The following LUZP2 variants were observed in gnomAD, a reference collection of about 807,000 sequenced individuals.
LUZP2 encodes the protein leucine zipper protein 2.
A neutral mutation model predicts 51.6 loss-of-function variants in LUZP2; 52 were observed. That is an observed-to-expected ratio of 1.01 (90% CI 0.81 to 1.27). The LOEUF (loss-of-function observed/expected upper bound fraction) is 1.27, where lower values mean the gene tolerates loss of function less well. LUZP2 is among the 50% of genes most tolerant of loss of function. The pLI is 0.00. For synonymous variants in LUZP2, 154 were observed against 137.3 expected, an observed-to-expected ratio of 1.12 and a Z score of -0.85; for missense variants, 436 against 395.4, an observed-to-expected ratio of 1.10 and a Z score of -0.87.
intron 5 of LUZP2, among the ~76,000 whole-genome samples, chr11:24,867,349 C>G (rs1310176068): frequency 6.6e-6 from 1 of 152,142 alleles, no homozygotes; most frequent in African/African-American, 2.4e-5. Context: ...GTTCCTTTCA[C>G]AGCATTTCAA....
chr11:24,992,975 T>C (rs921566330), intron 9 of LUZP2, among the ~76,000 whole-genome samples: 3 of 152,170 alleles, frequency 2.0e-5, no homozygotes, highest in Non-Finnish European at 4.4e-5. Flanking sequence ...AGATTCAAAA[T>C]ATACAATTAC....
chr11:25,016,111 G>A (rs1164779245), intron 9 of LUZP2, among the ~76,000 whole-genome samples: 1 of 151,752 alleles, frequency 6.6e-6, no homozygotes, highest in East Asian at 2.0e-4. Context: ...TAGTAGAGAC[G>A]GGGTTTCATG....
intron 5 of LUZP2, among the ~76,000 whole-genome samples, chr11:24,841,249 G>T (rs1050344094): frequency 6.6e-6 from 1 of 152,006 alleles, no homozygotes; most frequent in Admixed American, 6.6e-5. Context: ...AAACTCTTTT[G>T]CTTTCTCTGC....
At chr11:25,033,014 C>G (rs749488486) in intron 9 of LUZP2, among the ~76,000 whole-genome samples, 1 of 152,126 alleles carries the variant, frequency 6.6e-6, no homozygotes. Flanking sequence ...TTGCTTTTCC[C>G]TCTTAACAAT....
chr11:24,995,853 A>G (rs1856479330), intron 9 of LUZP2, among the ~76,000 whole-genome samples: 1 of 152,000 alleles, frequency 6.6e-6, no homozygotes, highest in Non-Finnish European at 1.5e-5. Context: ...TTTTCTAGAA[A>G]GTCAATTCCA....
intron 5 of LUZP2, among the ~76,000 whole-genome samples, chr11:24,871,494 CT>C (rs1392550137): frequency 2.0e-5 from 3 of 152,024 alleles, no homozygotes; most frequent in East Asian, 1.9e-4. Flanking sequence ...TTCATCCCCC[CT>C]GGCCACTTCA....
At chr11:24,940,816 T>C (rs984286869) in intron 7 of LUZP2, among the ~76,000 whole-genome samples, 4 of 152,108 alleles carry the variant, frequency 2.6e-5, no homozygotes, top group African/African-American at 9.7e-5. Flanking sequence ...TCTGAGCTAT[T>C]TTCCCAACTG....
chr11:24,747,265 T>A (rs1051790478), intron 4 of LUZP2, among the ~76,000 whole-genome samples: 2 of 152,166 alleles, frequency 1.3e-5, no homozygotes, highest in Non-Finnish European at 2.9e-5. Flanking sequence ...TTTTCTCGTT[T>A]TCCTGTGGAT....
At chr11:24,574,830 G>A (rs945664274) in intron 1 of LUZP2, among the ~76,000 whole-genome samples, 1 of 152,086 alleles carries the variant, frequency 6.6e-6, no homozygotes. Flanking sequence ...TTGCTGAGTT[G>A]TAACATTGAC....
Position 24,870,492 on chromosome 11 carries a change from C to CACACACAG in LUZP2, c.397-35492_397-35491insGACACACA, listed in dbSNP as rs1554927717. Among the ~76,000 whole-genome samples, 613 of 77,504 alleles carry CACACACAG rather than the reference C, an allele frequency of 7.9e-3. 5 individuals are homozygous for CACACACAG. Among genetic ancestry groups the CACACACAG allele is most frequent in the African/African-American group, 0.024 (589 of 24,898 alleles). 50.8% of individuals were successfully genotyped at this position (77,504 alleles called of 152,430 possible). On this transcript the variant is annotated intron_variant, in intron 5 of 11. Coordinates refer to ENST00000336930, the MANE Select transcript of LUZP2 (RefSeq NM_001009909.4). The stretch of plus-strand genomic sequence containing the variant: ...TCCTACACACACACACACACACAGA[C>CACACACAG]ACACACACACACACACACACTTCCT...
chr11:24,678,077 G>T (rs1393720093), intron 1 of LUZP2, among the ~76,000 whole-genome samples: 4 of 59,678 alleles, frequency 6.7e-5, no homozygotes, highest in Non-Finnish European at 1.0e-4. Flanking sequence ...AAGGAGAAAG[G>T]GGGGGGGGGG....
chr11:24,681,979 A>G (rs1386043991), intron 1 of LUZP2, among the ~76,000 whole-genome samples: 1 of 152,250 alleles, frequency 6.6e-6, no homozygotes, highest in Non-Finnish European at 1.5e-5. Flanking sequence ...TTAGCCAGAA[A>G]GAAGAGTTCT....
chr11:24,996,205 A>G (rs926865136), intron 9 of LUZP2, among the ~76,000 whole-genome samples: 4 of 150,902 alleles, frequency 2.7e-5, no homozygotes, highest in African/African-American at 9.7e-5. Flanking sequence ...GACATGTTTC[A>G]TGTTTTTTGA....
intron 9 of LUZP2, among the ~76,000 whole-genome samples, chr11:24,986,799 G>A (rs1856200583): frequency 6.6e-6 from 1 of 150,948 alleles, no homozygotes. Context: ...TATAGAATTT[G>A]GAAAAAATAA....
chr11:24,515,509 G>A (rs58788750), intron 1 of LUZP2, among the ~76,000 whole-genome samples: 32,995 of 152,040 alleles, frequency 0.22, 4,709 homozygotes, highest in African/African-American at 0.41. Flanking sequence ...ATGCATTAAA[G>A]AAAATACATC....
chr11:25,004,660 C>T (rs1403323028), intron 9 of LUZP2, among the ~76,000 whole-genome samples: 1 of 152,168 alleles, frequency 6.6e-6, no homozygotes, highest in East Asian at 1.9e-4. Context: ...GAAGGATTTT[C>T]TTCCTTTCCC....
chr11:24,695,466 G>T (rs1857216597), intron 1 of LUZP2, among the ~76,000 whole-genome samples: 1 of 152,022 alleles, frequency 6.6e-6, no homozygotes, highest in African/African-American at 2.4e-5. Context: ...TCTTTGTGGT[G>T]AGAACATTTA....
At chr11:24,587,685 T>C (rs1054016229) in intron 1 of LUZP2, among the ~76,000 whole-genome samples, 8 of 152,134 alleles carry the variant, frequency 5.3e-5, no homozygotes, top group African/African-American at 1.7e-4. Context: ...ATTTTTTGAG[T>C]GCCTAGTAGG....
intron 1 of LUZP2, among the ~76,000 whole-genome samples, chr11:24,556,980 G>A (rs1490201141): frequency 6.6e-6 from 1 of 152,070 alleles, no homozygotes; most frequent in Non-Finnish European, 1.5e-5. Flanking sequence ...ATTTCATCCA[G>A]GCCATGCACT....
Sources: gnomAD v4.1 joint callset for allele counts (sites outside exome capture counted in the v4.1 genomes callset) on GRCh38, gnomAD v4.1.1 for gene constraint, MANE v1.5 for transcripts, NCBI Gene and HGNC (gene_info 2026-07-23, HGNC 2026-07-21) for gene names.